TAS2R1: variants seen among roughly 807,000 people sequenced by gnomAD.
TAS2R1 encodes the protein taste 2 receptor member 1, also known as taste receptor type 2 member 1.
For synonymous variants in TAS2R1, 141 were observed against 134.2 expected (o/e 1.05, Z -0.35); for missense variants, 370 against 353.4 (o/e 1.05, Z -0.38).
chr5:9,720,423 C>G, the TAS2R1 span, among the ~76,000 whole-genome samples: 4 of 152,180 alleles, frequency 2.6e-5, no homozygotes, highest in African/African-American at 9.7e-5. Context: ...AGCAAGAGAG[C>G]AAACGGAAAT....
intron 2 of TAS2R1, among the ~76,000 whole-genome samples, chr5:9,649,069 T>C (rs1740253280): frequency 6.6e-6 from 1 of 152,202 alleles, no homozygotes; most frequent in Non-Finnish European, 1.5e-5. Flanking sequence ...TGACCAAAGT[T>C]GCAGAGGAGG....
At chr5:9,801,264 T>C in the TAS2R1 span, among the ~76,000 whole-genome samples, 1 of 152,226 alleles carries the variant, frequency 6.6e-6, no homozygotes, top group Non-Finnish European at 1.5e-5. Flanking sequence ...AAGAGGGCCA[T>C]TACCAGAACC....
At chr5:9,750,559 T>C in the TAS2R1 span, among the ~76,000 whole-genome samples, 2 of 152,268 alleles carry the variant, frequency 1.3e-5, no homozygotes, top group African/African-American at 4.8e-5. Flanking sequence ...TGGCGAAAAC[T>C]AGAAGTCTAC....
the TAS2R1 span, among the ~76,000 whole-genome samples, chr5:9,866,959 CTGAATCCAAAACCACG>C: frequency 6.6e-6 from 1 of 152,108 alleles, no homozygotes; most frequent in African/African-American, 2.4e-5. Context: ...ATTATTCTTC[CTGAATCCAAAACCACG>C]TGGTCAGCCA....
At chr5:9,886,310 G>A in the TAS2R1 span, among the ~76,000 whole-genome samples, 160 of 147,398 alleles carry the variant, frequency 1.1e-3, no homozygotes, top group African/African-American at 3.8e-3. Context: ...GGGATTACAG[G>A]TGTGAGCCAC....
chr5:9,639,607 A>G (rs953521921), intron 2 of TAS2R1, among the ~76,000 whole-genome samples: 2 of 152,182 alleles, frequency 1.3e-5, no homozygotes, highest in Admixed American at 1.3e-4. Flanking sequence ...TCTGCCATCC[A>G]TGTGGAAGAT....
chr5:9,853,643 G>T, the TAS2R1 span, among the ~76,000 whole-genome samples: 2 of 152,116 alleles, frequency 1.3e-5, no homozygotes, highest in African/African-American at 4.8e-5. Flanking sequence ...CAACATGACT[G>T]TATCCCTGAA....
Position 9,627,427 on chromosome 5 carries a change from T to C in TAS2R1, c.*1706A>G, listed in dbSNP as rs1739776875. Among the ~76,000 whole-genome samples the C allele has an allele frequency of 1.3e-5, 2 of 152,178 alleles. No individual in the cohort carries two copies. ...GTATAAAAACCTAGTCATATCTTAA[T>C]AGTTATCTAATTAGCTAACGTTATT... On this transcript the variant is annotated 3_prime_UTR_variant, in exon 1 of 1. Transcript: ENST00000382492.
chr5:9,873,793 C>T, the TAS2R1 span, among the ~76,000 whole-genome samples: 1 of 149,952 alleles, frequency 6.7e-6, no homozygotes, highest in Non-Finnish European at 1.5e-5. Flanking sequence ...TGCTTGAACC[C>T]TGGAGGCGGA....
At chr5:9,655,750 G>A (rs1253415265) in intron 2 of TAS2R1, among the ~76,000 whole-genome samples, 4 of 151,500 alleles carry the variant, frequency 2.6e-5, no homozygotes, top group African/African-American at 4.8e-5. Flanking sequence ...CACTCAATAA[G>A]TGTCTTAAAG....
In TAS2R1 at chr5:9,662,476, T is replaced by A. The variant is rs544833149; in HGVS notation, c.-241-2895A>T. Among the ~76,000 whole-genome samples the A allele has an allele frequency of 5.9e-5, 9 of 152,224 alleles. No individual in the cohort carries two copies. The East Asian group carries it at 1.7e-3, about 30-fold the overall frequency. Reference sequence around the variant, plus strand: ...GCCTGCAGGAAATGAAATACTTCCATCCAGGAGTGACAGTTGTCACTCCCA... The same window carrying A: ...GCCTGCAGGAAATGAAATACTTCCAACCAGGAGTGACAGTTGTCACTCCCA... On this transcript the variant is annotated intron_variant, in intron 1 of 2. Transcript: ENST00000506620.
chr5:9,862,045 C>G, the TAS2R1 span, among the ~76,000 whole-genome samples: 1 of 152,158 alleles, frequency 6.6e-6, no homozygotes, highest in Non-Finnish European at 1.5e-5. Context: ...GCCAGTCCCC[C>G]GTGGTGTCTC....
At chr5:9,846,403 G>T in the TAS2R1 span, among the ~76,000 whole-genome samples, 2 of 152,182 alleles carry the variant, frequency 1.3e-5, no homozygotes, top group Non-Finnish European at 2.9e-5. Flanking sequence ...TGGACAATGT[G>T]TCCAGTGAGC....
chr5:9,791,032 G>A, the TAS2R1 span, among the ~76,000 whole-genome samples: 1 of 152,180 alleles, frequency 6.6e-6, no homozygotes, highest in Admixed American at 6.5e-5. Flanking sequence ...ATGTCTTCCA[G>A]GGGCTGGTTA....
intron 1 of TAS2R1, among the ~76,000 whole-genome samples, chr5:9,691,946 C>A (rs1741255576): frequency 6.6e-6 from 1 of 152,172 alleles, no homozygotes; most frequent in Non-Finnish European, 1.5e-5. Context: ...CCACCCCAGA[C>A]CCCTTTGCAC....
the TAS2R1 span, among the ~76,000 whole-genome samples, chr5:9,841,999 G>A: frequency 6.6e-6 from 1 of 152,166 alleles, no homozygotes; most frequent in Non-Finnish European, 1.5e-5. Context: ...CTTTGACCTA[G>A]AAGTCTCATG....
chr5:9,761,643 T>G, the TAS2R1 span, among the ~76,000 whole-genome samples: 1 of 152,264 alleles, frequency 6.6e-6, no homozygotes, highest in East Asian at 1.9e-4. Flanking sequence ...TGTTTTTATC[T>G]AGGCTTTGAA....
At chr5:9,833,055 A>G in the TAS2R1 span, among the ~76,000 whole-genome samples, 2 of 152,222 alleles carry the variant, frequency 1.3e-5, no homozygotes, top group Non-Finnish European at 2.9e-5. Context: ...GAGACAAAAG[A>G]TTGCATTCTT....
the TAS2R1 span, among the ~76,000 whole-genome samples, chr5:9,747,190 G>A: frequency 3.3e-5 from 5 of 152,322 alleles, no homozygotes; most frequent in African/African-American, 9.6e-5. Flanking sequence ...GGGCATTGGA[G>A]TTTGCAATAT....
Sources: allele counts gnomAD v4.1 joint callset (sites outside exome capture counted in the v4.1 genomes callset), GRCh38; gene constraint gnomAD v4.1.1; transcripts MANE v1.5; gene names NCBI Gene and HGNC (gene_info 2026-07-23, HGNC 2026-07-21).